CALN1: variants seen among roughly 807,000 people sequenced by gnomAD.
CALN1 encodes calcium-binding protein 8.
Under a neutral mutation model 30.6 loss-of-function variants are expected in CALN1, and 17 were observed. That is an observed-to-expected ratio of 0.56 (90% CI 0.38 to 0.83). The LOEUF (loss-of-function observed/expected upper bound fraction) is 0.83, where lower values mean the gene tolerates loss of function less well. CALN1 is among the 40% of genes least tolerant of loss of function. CALN1 has a pLI of 0.00. For missense variants in CALN1, 291 were observed against 354.9 expected (o/e 0.82, Z 1.45); for synonymous variants, 156 against 131.4 (o/e 1.19, Z -1.28).
chr7:71,797,746 C>A (rs1787013856), intron 6 of CALN1, among the ~76,000 whole-genome samples: 1 of 152,140 alleles, frequency 6.6e-6, no homozygotes, highest in Admixed American at 6.6e-5. Flanking sequence ...GGAAGCCCTA[C>A]CCCTTGTTCT....
chr7:72,062,912 T>C (rs117967916), intron 4 of CALN1, among the ~76,000 whole-genome samples: 1,929 of 152,320 alleles, frequency 0.013, 24 homozygotes, highest in Non-Finnish European at 0.017. Flanking sequence ...TTTTTCTTTA[T>C]GGATAAATAA....
In CALN1 at chr7:72,403,325, C is replaced by T; in HGVS notation, c.45G>A (p.Glu15=). ...EQPGEGKPEN[E]KKGDGGALGG... ...CGAGGGCTCCTCCGTCCCCCTTTTT[C>T]TCATTCTCGGGCTTCCCCTCTCCGG... The change falls in exon 2 of 7, where the codon GAG becomes GAA. Residue 15 remains glutamate (E), a synonymous_variant. Coordinates refer to ENST00000395275, the MANE Select transcript of CALN1 (RefSeq NM_031468.4). 6.5e-7 allele frequency: 1 copy of T among 1,549,786 alleles called. No homozygotes were observed.
At chr7:72,039,286 T>A (rs898119186) in intron 4 of CALN1, among the ~76,000 whole-genome samples, 1 of 152,166 alleles carries the variant, frequency 6.6e-6, no homozygotes, top group African/African-American at 2.4e-5. Flanking sequence ...AGCAAAGGGC[T>A]TGAGGAGCAG....
intron 4 of CALN1, among the ~76,000 whole-genome samples, chr7:72,044,978 A>T (rs1472223894): frequency 1.3e-5 from 2 of 152,202 alleles, no homozygotes; most frequent in Non-Finnish European, 2.9e-5. Flanking sequence ...GGATGCAATG[A>T]CTGCAGAATA....
At chr7:72,489,828 A>G in the CALN1 span, among the ~76,000 whole-genome samples, 1 of 152,154 alleles carries the variant, frequency 6.6e-6, no homozygotes. Context: ...GCTGCACTCA[A>G]AGACTTCCTT....
At chr7:72,439,484 G>A (rs1351454191) in intron 1 of CALN1, among the ~76,000 whole-genome samples, 1 of 151,906 alleles carries the variant, frequency 6.6e-6, no homozygotes, top group Admixed American at 6.6e-5. Context: ...CTAAAGAAGA[G>A]GAAATGTTAT....
intron 3 of CALN1, among the ~76,000 whole-genome samples, chr7:72,140,171 T>G (rs980857339): frequency 6.6e-6 from 1 of 151,594 alleles, no homozygotes; most frequent in Non-Finnish European, 1.5e-5. Flanking sequence ...CTAGGGAGAC[T>G]GAGGCAAGAG....
At chr7:72,324,219 T>C (rs538545997) in intron 2 of CALN1, among the ~76,000 whole-genome samples, 1 of 152,172 alleles carries the variant, frequency 6.6e-6, no homozygotes, top group East Asian at 1.9e-4. Context: ...CCCCAGAGAA[T>C]TTTAATGTGC....
chr7:71,830,402 C>T (rs575357771), intron 5 of CALN1, among the ~76,000 whole-genome samples: 2 of 151,846 alleles, frequency 1.3e-5, no homozygotes, highest in Admixed American at 6.6e-5. Flanking sequence ...GGCTGGAGTG[C>T]GGTGGTGCGA....
chr7:72,395,703 A>C (rs1053721323), intron 2 of CALN1, among the ~76,000 whole-genome samples: 2 of 152,168 alleles, frequency 1.3e-5, no homozygotes, highest in African/African-American at 2.4e-5. Context: ...AGTGATGAAA[A>C]GTTTCTTAGG....
chr7:72,234,952 TTA>T (rs1194933698), intron 3 of CALN1, among the ~76,000 whole-genome samples: 1 of 152,176 alleles, frequency 6.6e-6, no homozygotes, highest in Non-Finnish European at 1.5e-5. Context: ...AAAACTTGCT[TTA>T]AAGAAACACA....
intron 2 of CALN1, among the ~76,000 whole-genome samples, chr7:72,377,132 C>T (rs150522606): frequency 4.6e-5 from 7 of 152,080 alleles, no homozygotes; most frequent in African/African-American, 1.2e-4. Flanking sequence ...AGTCCTCCAA[C>T]GTTTTTCTCC....
At chr7:72,034,935 G>A (rs1801700368) in intron 4 of CALN1, among the ~76,000 whole-genome samples, 2 of 151,776 alleles carry the variant, frequency 1.3e-5, no homozygotes, top group South Asian at 2.1e-4. Context: ...AAATGGGGAG[G>A]TCAAGGAGAA....
At chr7:72,099,953 G>A (rs1806529731) in intron 4 of CALN1, among the ~76,000 whole-genome samples, 1 of 152,034 alleles carries the variant, frequency 6.6e-6, no homozygotes, top group Middle Eastern at 3.4e-3. Context: ...CTCTTAAACC[G>A]CATACCAGAT....
chr7:72,349,961 T>C (rs1802836185), intron 2 of CALN1, among the ~76,000 whole-genome samples: 2 of 152,212 alleles, frequency 1.3e-5, no homozygotes, highest in Non-Finnish European at 2.9e-5. Context: ...TGTCAATATT[T>C]GTTTTTGTTA....
chr7:71,937,865 T>C (rs1795925386), intron 5 of CALN1, among the ~76,000 whole-genome samples: 1 of 152,232 alleles, frequency 6.6e-6, no homozygotes, highest in Non-Finnish European at 1.5e-5. Flanking sequence ...CTATGTTCCA[T>C]CACGCAGCAC....
rs1254602370 is a variant in CALN1, at chr7:72,308,373, GAGAGAGA to G, written c.120-29570_120-29564del. ...AGTGAGATGCTGTCTGTGGGGGGGGGAGAGAGAGAGAGAGAGAGAGAGAGAGAGAGAG... is the reference window on the plus strand; with the variant it reads ...AGTGAGATGCTGTCTGTGGGGGGGGGGAGAGAGAGAGAGAGAGAGAGAGAG... On this transcript the variant is annotated intron_variant, in intron 2 of 6. Transcript: ENST00000395275. 5.7e-3 allele frequency among the ~76,000 whole-genome samples: 105 copies of G among 18,482 alleles called. 8 individuals carry two copies. The highest frequency in any genetic ancestry group is 0.017 in the African/African-American group (103 of 6,108). 12.1% of individuals were successfully genotyped at this position (18,482 alleles called of 152,430 possible).
chr7:72,351,143 CAAAT>C (rs111628723), intron 2 of CALN1, among the ~76,000 whole-genome samples: 1,931 of 152,064 alleles, frequency 0.013, 45 homozygotes, highest in African/African-American at 0.044. Context: ...AAAAAATAAA[CAAAT>C]AAATAAATTT....
In CALN1 at chr7:71,812,383, A is replaced by T. The variant is rs116062947; in HGVS notation, c.502-1891T>A. On this transcript the variant is annotated intron_variant, in intron 5 of 6. Coordinates refer to ENST00000395275, the MANE Select transcript of CALN1 (RefSeq NM_031468.4). ...GGAGCCAGGCAGTGAAAAATGAGAAAACTGTGACTGGAGGCTGGAAAGACA... is the reference window on the plus strand; with the variant it reads ...GGAGCCAGGCAGTGAAAAATGAGAATACTGTGACTGGAGGCTGGAAAGACA... Among the ~76,000 whole-genome samples the T allele has an allele frequency of 6.3e-3, 952 of 152,300 alleles. 8 individuals are homozygous for T. The highest frequency in any genetic ancestry group is 0.021 in the African/African-American group (893 of 41,570).
Sources: allele counts gnomAD v4.1 joint callset (sites outside exome capture counted in the v4.1 genomes callset), GRCh38; gene constraint gnomAD v4.1.1; transcripts MANE v1.5; gene names NCBI Gene and HGNC (gene_info 2026-07-23, HGNC 2026-07-21).